The following ALDH5A1 variants were observed in gnomAD, a reference collection of about 807,000 sequenced individuals.
The protein encoded by ALDH5A1 is succinate-semialdehyde dehydrogenase, mitochondrial.
A neutral mutation model predicts 54.7 loss-of-function variants in ALDH5A1; 33 were observed. That is an observed-to-expected ratio of 0.60 (90% CI 0.46 to 0.81). ALDH5A1 has a LOEUF of 0.81. Ranked by LOEUF, ALDH5A1 falls within the 30% of genes least tolerant of loss-of-function variation. The pLI is 0.00. For missense variants in ALDH5A1, 657 were observed against 711.0 expected (o/e 0.92, Z 0.86); for synonymous variants, 294 against 292.7 (o/e 1.00, Z -0.05).
At chr6:24,533,377 T>C in intron 9 of ALDH5A1, 130 bp from the exon 10 acceptor site, 3 of 937,312 alleles carry the variant, frequency 3.2e-6, no homozygotes, top group South Asian at 1.4e-5. Context: ...CCTGGGACTT[T>C]ATCTGGGAGC....
chr6:24,515,177 A>G lies in ALDH5A1; in HGVS notation c.737A>G (p.Gln246Arg), dbSNP rs780657712. The G allele has an allele frequency of 1.3e-6, 2 of 1,600,000 alleles. No homozygotes were observed. Among genetic ancestry groups the G allele is most frequent in the Non-Finnish European group, 1.7e-6 (2 of 1,176,432 alleles). Reference sequence around the variant, plus strand: ...TGTTTCTCTTTATAGCTTGCAAGCCAGGCTGGGATTCCTTCAGGTGTATAC... The same window carrying G: ...TGTTTCTCTTTATAGCTTGCAAGCCGGGCTGGGATTCCTTCAGGTGTATAC... The part of the protein sequence containing the change: ...SALALAELAS[Q>R]AGIPSGVYNV... The change falls in exon 5 of 10, where the codon CAG becomes CGG. Residue 246 changes from glutamine (Q) to arginine (R), a missense_variant. Transcript: ENST00000357578.
At chr6:24,499,346 A>C (rs781302598) in intron 1 of ALDH5A1, among the ~76,000 whole-genome samples, 1 of 152,196 alleles carries the variant, frequency 6.6e-6, no homozygotes, top group Non-Finnish European at 1.5e-5. Context: ...AGATGTGGGA[A>C]GCTACAGCCT....
intron 8 of ALDH5A1, among the ~76,000 whole-genome samples, chr6:24,529,318 C>T (rs1759882318): frequency 6.6e-6 from 1 of 151,976 alleles, no homozygotes; most frequent in Admixed American, 6.6e-5. Flanking sequence ...AGGCATGTGC[C>T]ACCACACCTG....
At chr6:24,527,588 A>G (rs1035216917) in intron 7 of ALDH5A1, among the ~76,000 whole-genome samples, 1 of 151,278 alleles carries the variant, frequency 6.6e-6, no homozygotes, top group African/African-American at 2.5e-5. Context: ...AAATAAATAA[A>G]TAACAACTAC....
chr6:24,506,243 CTTTTTTTTTTTT>C lies in ALDH5A1; in HGVS notation c.726+1277_726+1288del, dbSNP rs70974913. 5.6e-4 allele frequency among the ~76,000 whole-genome samples: 29 copies of C among 52,154 alleles called. 1 individual carries two copies. Among genetic ancestry groups the C allele is most frequent in the South Asian group, 2.2e-3 (2 of 924 alleles). The allele number at this position is 52,154 out of a possible 152,430, so 34.2% of individuals were successfully genotyped here. On this transcript the variant is annotated intron_variant, in intron 4 of 9. Coordinates refer to ENST00000357578, the MANE Select transcript of ALDH5A1 (RefSeq NM_001080.3). ...TCTGCACCTCCTTCTTTCCTGGTTC[CTTTTTTTTTTTT>C]TTTTTTTTTTTTTTTTTTGAGACAG...
chr6:24,514,799 G>T (rs185052464), intron 4 of ALDH5A1, among the ~76,000 whole-genome samples: 6 of 151,818 alleles, frequency 4.0e-5, no homozygotes, highest in Admixed American at 2.6e-4. Flanking sequence ...TTGAGACAGG[G>T]TCTTGTTCTG....
rs375585467 is a variant in ALDH5A1 at position 24,503,430 on chromosome 6, C to A, written c.606C>A (p.Thr202=). The part of the protein sequence containing the change: ...KQPIGVAAVI[T]PWNFPSAMIT... ...CCATAGGCGTGGCTGCAGTCATCAC[C>A]CCGGTAGGTGACAGGATCAGCAAGA... The change falls in exon 3 of 10, where the codon ACC becomes ACA. Residue 202 remains threonine, a synonymous_variant. Transcript: ENST00000357578. 18 of 1,612,062 alleles carry A rather than the reference C, an allele frequency of 1.1e-5. No individual in the cohort carries two copies. The African/African-American group carries it at 2.3e-4, about 20-fold the overall frequency.
At chr6:24,523,135 C>A (rs1308940163) in intron 7 of ALDH5A1, among the ~76,000 whole-genome samples, 1 of 151,862 alleles carries the variant, frequency 6.6e-6, no homozygotes, top group Non-Finnish European at 1.5e-5. Flanking sequence ...TTTCAAATAG[C>A]TATTATTAGA....
intron 5 of ALDH5A1, among the ~76,000 whole-genome samples, chr6:24,516,455 A>C (rs12214819): frequency 1.7e-4 from 24 of 139,272 alleles, no homozygotes; most frequent in East Asian, 6.3e-4. Flanking sequence ...AAAAAAAAAA[A>C]AAAATTAAAA....
At chr6:24,500,936 C>G (rs1764808339) in intron 1 of ALDH5A1, among the ~76,000 whole-genome samples, 1 of 151,978 alleles carries the variant, frequency 6.6e-6, no homozygotes, top group African/African-American at 2.4e-5. Context: ...CCTGTAGATC[C>G]TGTTAGCATG....
At chr6:24,529,786 C>T (rs1301939971) in intron 8 of ALDH5A1, among the ~76,000 whole-genome samples, 2 of 147,930 alleles carry the variant, frequency 1.4e-5, no homozygotes, top group African/African-American at 5.0e-5. Flanking sequence ...ATTCTCCTGA[C>T]TCAGCCTCCT....
rs538603946 is a variant in ALDH5A1, at chr6:24,525,045, T to A, written c.1173+2120T>A. 1.1e-4 allele frequency among the ~76,000 whole-genome samples: 17 copies of A among 152,262 alleles called. No homozygotes were observed. The East Asian group carries it at 3.3e-3, about 29-fold the overall frequency. ...ACTTCAAACAAGCAGACAGCGAGATTTCTTTTTTGCTGGAGAGAAATTTGG... is the reference window on the plus strand; with the variant it reads ...ACTTCAAACAAGCAGACAGCGAGATATCTTTTTTGCTGGAGAGAAATTTGG... On this transcript the variant is annotated intron_variant, in intron 7 of 9. Coordinates refer to ENST00000357578, the MANE Select transcript of ALDH5A1 (RefSeq NM_001080.3).
At chr6:24,517,953 C>T (rs1759605318) in intron 5 of ALDH5A1, among the ~76,000 whole-genome samples, 1 of 152,184 alleles carries the variant, frequency 6.6e-6, no homozygotes, top group South Asian at 2.1e-4. Flanking sequence ...AGGACAGCAG[C>T]CATGTTGTAA....
chr6:24,495,452 T>C (rs1410220730), intron 1 of ALDH5A1, 102 bp downstream of exon 1: 3 of 1,155,142 alleles, frequency 2.6e-6, no homozygotes, highest in East Asian at 2.7e-5. Flanking sequence ...GCCTCCCTCC[T>C]GTGCTCAGTT....
chr6:24,510,870 G>GGTTTT (rs576072557), intron 4 of ALDH5A1, among the ~76,000 whole-genome samples: 3 of 151,570 alleles, frequency 2.0e-5, no homozygotes, highest in African/African-American at 7.2e-5. Flanking sequence ...AATACTTTTG[G>GGTTTT]GTTTTGTTTT....
intron 7 of ALDH5A1, 35 bp downstream of exon 7, chr6:24,522,960 C>T (rs1278582536): frequency 2.1e-6 from 3 of 1,434,456 alleles, no homozygotes; most frequent in East Asian, 3.4e-5. Flanking sequence ...AAGTAAATTT[C>T]ATGGTTTCAA....
Position 24,534,286 on chromosome 6 carries a change from A to G in ALDH5A1, c.*574A>G, listed in dbSNP as rs1184523496. The G allele has an allele frequency of 3.2e-5, 5 of 155,612 alleles. No homozygotes were observed. Among genetic ancestry groups the G allele is most frequent in the Admixed American group, 3.1e-4 (5 of 16,210 alleles). The allele number at this position is 155,612 out of a possible 1,614,324, so 9.6% of individuals were successfully genotyped here. ...GCACAGAATTGTCCGTGCTTCTGTG[A>G]GGCACGAAGGAGCACCTCTCCCTAT... is the stretch of plus-strand genomic sequence containing the variant. On this transcript the variant is annotated 3_prime_UTR_variant, in exon 10 of 10. Transcript: ENST00000357578.
intron 1 of ALDH5A1, among the ~76,000 whole-genome samples, chr6:24,498,761 C>T (rs1250391997): frequency 1.3e-5 from 2 of 152,082 alleles, no homozygotes; most frequent in Non-Finnish European, 2.9e-5. Context: ...GTCAGGAGTT[C>T]GAGACCAGCC....
chr6:24,495,761 C>A (rs190281312), intron 1 of ALDH5A1, among the ~76,000 whole-genome samples: 2 of 152,308 alleles, frequency 1.3e-5, no homozygotes, highest in East Asian at 3.9e-4. Flanking sequence ...AGGGAGCCCA[C>A]GCAGGAGGCT....
Sources: allele counts gnomAD v4.1 joint callset (sites outside exome capture counted in the v4.1 genomes callset), GRCh38; gene constraint gnomAD v4.1.1; transcripts MANE v1.5; gene names NCBI Gene and HGNC (gene_info 2026-07-23, HGNC 2026-07-21).